Variants in KCNIP4 observed in about 807,000 individuals in gnomAD.
KCNIP4 encodes the protein potassium voltage-gated channel interacting protein 4.
A neutral mutation model predicts 34.0 loss-of-function variants in KCNIP4; 12 were observed. The ratio of observed to expected loss-of-function variants is 0.35; its 90% confidence interval spans 0.23 to 0.57. KCNIP4 has a LOEUF of 0.57. KCNIP4 is among the 20% of genes least tolerant of loss of function. The pLI, the probability that KCNIP4 is intolerant of heterozygous loss-of-function variation, is 0.83. For synonymous variants in KCNIP4, 124 were observed against 102.2 expected, an observed-to-expected ratio of 1.21 and a Z score of -1.29; for missense variants, 238 against 311.7, an observed-to-expected ratio of 0.76 and a Z score of 1.78.
At chr4:21,615,090 A>G (rs1180848086) in intron 1 of KCNIP4, among the ~76,000 whole-genome samples, 1 of 152,192 alleles carries the variant, frequency 6.6e-6, no homozygotes, top group Non-Finnish European at 1.5e-5. Flanking sequence ...AGATAAGAGT[A>G]GCACAATTGA....
intron 1 of KCNIP4, among the ~76,000 whole-genome samples, chr4:21,469,600 A>G (rs1295792549): frequency 1.3e-5 from 2 of 152,190 alleles, no homozygotes; most frequent in African/African-American, 4.8e-5. Flanking sequence ...TTTCCTGGTC[A>G]AGTAGGGATT....
intron 1 of KCNIP4, among the ~76,000 whole-genome samples, chr4:21,597,455 T>G (rs1742748438): frequency 6.6e-6 from 1 of 152,044 alleles, no homozygotes; most frequent in Non-Finnish European, 1.5e-5. Context: ...CCCATGAATA[T>G]CTTCACACAA....
intron 1 of KCNIP4, among the ~76,000 whole-genome samples, chr4:20,922,455 A>C (rs1729478197): frequency 1.3e-5 from 2 of 152,118 alleles, no homozygotes; most frequent in African/African-American, 4.8e-5. Context: ...ACTACTGGCT[A>C]TCCTGGTTTG....
chr4:21,567,031 T>C (rs1014248638), intron 1 of KCNIP4, among the ~76,000 whole-genome samples: 1 of 152,128 alleles, frequency 6.6e-6, no homozygotes, highest in Non-Finnish European at 1.5e-5. Context: ...CCGAAAACTG[T>C]TATTTCCTAT....
At chr4:21,528,772 AAAGAAAGGAAGAAAGGAAGAAAGG>A (rs1560490167) in intron 1 of KCNIP4, among the ~76,000 whole-genome samples, 242 of 11,298 alleles carry the variant, frequency 0.021, 50 homozygotes, top group African/African-American at 0.031. Context: ...AGAAAGAAAG[AAAGAAAGGAAGAAAGGAAGAAAGG>A]AAGAAAGGAA....
At chr4:21,367,026 C>T (rs1347906847) in intron 1 of KCNIP4, among the ~76,000 whole-genome samples, 1 of 152,122 alleles carries the variant, frequency 6.6e-6, no homozygotes, top group Non-Finnish European at 1.5e-5. Flanking sequence ...GTGATTGGCT[C>T]TCTTCTGCCC....
chr4:21,566,570 G>A (rs1316632448), intron 1 of KCNIP4, among the ~76,000 whole-genome samples: 1 of 152,084 alleles, frequency 6.6e-6, no homozygotes, highest in Non-Finnish European at 1.5e-5. Flanking sequence ...CCCCAGCCAA[G>A]CTTCCTGTAC....
intron 1 of KCNIP4, among the ~76,000 whole-genome samples, chr4:21,813,287 T>C (rs1721774155): frequency 6.6e-6 from 1 of 152,214 alleles, no homozygotes; most frequent in African/African-American, 2.4e-5. Flanking sequence ...CCTAGCTATC[T>C]GGTTGAAAGG....
intron 1 of KCNIP4, among the ~76,000 whole-genome samples, chr4:21,917,100 A>G (rs1379152462): frequency 6.6e-6 from 1 of 151,772 alleles, no homozygotes; most frequent in Non-Finnish European, 1.5e-5. Context: ...TAATGATAAG[A>G]ACTAATATTT....
intron 1 of KCNIP4, among the ~76,000 whole-genome samples, chr4:21,387,954 G>C (rs1722180307): frequency 6.6e-6 from 1 of 152,076 alleles, no homozygotes; most frequent in Non-Finnish European, 1.5e-5. Context: ...GGACGTCAGG[G>C]ACAGCTCAGA....
At chr4:20,993,179 T>G (rs1737240987) in intron 1 of KCNIP4, among the ~76,000 whole-genome samples, 1 of 152,088 alleles carries the variant, frequency 6.6e-6, no homozygotes, top group South Asian at 2.1e-4. Flanking sequence ...ACATGTAGCC[T>G]GGTTTTTGGA....
intron 6 of KCNIP4, 127 bp from the exon 7 acceptor site, chr4:20,732,912 G>T: frequency 1.7e-6 from 1 of 605,640 alleles, no homozygotes; most frequent in Non-Finnish European, 2.9e-6. Flanking sequence ...TTCTTTGTTA[G>T]ACGACTGTTG....
intron 1 of KCNIP4, among the ~76,000 whole-genome samples, chr4:21,080,975 G>A (rs1039520315): frequency 1.3e-5 from 2 of 151,812 alleles, no homozygotes; most frequent in Non-Finnish European, 2.9e-5. Flanking sequence ...GTGGGATTCA[G>A]ATTCTTTTTT....
At position 21,094,498 on chromosome 4, in the gene KCNIP4, G is replaced by A. The variant is rs949377036; in HGVS notation, c.62-211789C>T. On this transcript the variant is annotated intron_variant, in intron 1 of 8. Transcript: ENST00000382152. ...ACTGGGAGGATAATATAAAACAAGA[G>A]GAAAGAAAAGTCAGATTTAGAGTGA... 2.0e-5 allele frequency among the ~76,000 whole-genome samples: 3 copies of A among 152,132 alleles called. No individual in the cohort carries two copies. The East Asian group carries it at 5.8e-4, about 29-fold the overall frequency.
At chr4:21,838,095 G>C (rs1723460006) in intron 1 of KCNIP4, among the ~76,000 whole-genome samples, 1 of 152,070 alleles carries the variant, frequency 6.6e-6, no homozygotes, top group Non-Finnish European at 1.5e-5. Flanking sequence ...AATTCACATT[G>C]CTTACACAAA....
intron 1 of KCNIP4, among the ~76,000 whole-genome samples, chr4:21,865,076 C>T (rs1725335140): frequency 6.6e-6 from 1 of 151,382 alleles, no homozygotes; most frequent in African/African-American, 2.4e-5. Context: ...GAGAATATTG[C>T]CTCTCTTTTT....
intron 1 of KCNIP4, among the ~76,000 whole-genome samples, chr4:21,406,055 G>A (rs1392510209): frequency 6.6e-6 from 1 of 152,030 alleles, no homozygotes; most frequent in Non-Finnish European, 1.5e-5. Flanking sequence ...GGGTGGTCTC[G>A]AACTCCTGAC....
chr4:21,258,403 C>T (rs1234318123), intron 1 of KCNIP4, among the ~76,000 whole-genome samples: 3 of 152,124 alleles, frequency 2.0e-5, no homozygotes, highest in African/African-American at 2.4e-5. Context: ...TGTATGTACG[C>T]GTGGAAACCA....
intron 3 of KCNIP4, among the ~76,000 whole-genome samples, chr4:20,804,472 A>G (rs1317924353): frequency 6.6e-6 from 1 of 152,194 alleles, no homozygotes; most frequent in African/African-American, 2.4e-5. Flanking sequence ...TCTTTCATAT[A>G]TATATTCTAT....
Sources: allele counts gnomAD v4.1 joint callset (sites outside exome capture counted in the v4.1 genomes callset), GRCh38; gene constraint gnomAD v4.1.1; transcripts MANE v1.5; gene names NCBI Gene and HGNC (gene_info 2026-07-23, HGNC 2026-07-21).